The following CIT variants were observed in gnomAD, a reference collection of about 807,000 sequenced individuals.
CIT encodes the protein citron rho-interacting serine/threonine kinase.
A neutral mutation model predicts 272.7 loss-of-function variants in CIT; 79 were observed. The observed-to-expected ratio is 0.29, with a 90% CI of 0.24 to 0.35. The LOEUF is 0.35. Among genes scored for constraint, CIT ranks in the 10% least tolerant of loss-of-function variants. The pLI is 1.00. For synonymous variants in CIT, 948 were observed against 995.6 expected, an observed-to-expected ratio of 0.95 and a Z score of 0.90; for missense variants, 1,909 against 2,618.3, an observed-to-expected ratio of 0.73 and a Z score of 5.91.
At chr12:119,834,669 A>G (rs1433517388) in intron 5 of CIT, among the ~76,000 whole-genome samples, 4 of 152,266 alleles carry the variant, frequency 2.6e-5, no homozygotes, top group African/African-American at 7.2e-5. Context: ...TTCCTTTTAT[A>G]GTCAGTGTGG....
chr12:119,843,041 A>G (rs1409749671), intron 5 of CIT, among the ~76,000 whole-genome samples: 1 of 152,214 alleles, frequency 6.6e-6, no homozygotes, highest in Non-Finnish European at 1.5e-5. Context: ...CCAGAAGTAT[A>G]GGGTCTAGGA....
At chr12:119,703,818 T>TTC (rs761663643) in intron 41 of CIT, among the ~76,000 whole-genome samples, 2 of 152,182 alleles carry the variant, frequency 1.3e-5, no homozygotes, top group Non-Finnish European at 2.9e-5. Context: ...TCAGACAGCA[T>TTC]TCTCCAGAAG....
intron 24 of CIT, among the ~76,000 whole-genome samples, chr12:119,736,962 AC>A (rs1958801069): frequency 6.6e-6 from 1 of 152,176 alleles, no homozygotes; most frequent in Non-Finnish European, 1.5e-5. Context: ...AAGCCATCTG[AC>A]CTTTGCTGGG....
intron 5 of CIT, among the ~76,000 whole-genome samples, 189 bp from the exon 6 acceptor site, chr12:119,834,417 G>A (rs896834073): frequency 6.6e-6 from 1 of 152,190 alleles, no homozygotes; most frequent in Non-Finnish European, 1.5e-5. Context: ...CTGTTACCCA[G>A]GGGAATCAAT....
Position 119,686,763 on chromosome 12 carries a change from G to A in CIT, c.*1469C>T, listed in dbSNP as rs1352343457. 1 of 152,628 alleles carries A rather than the reference G, an allele frequency of 6.6e-6. No homozygotes were observed. The highest frequency in any genetic ancestry group is 1.5e-5 in the Non-Finnish European group (1 of 68,078). 9.5% of individuals were successfully genotyped at this position (152,628 alleles called of 1,614,324 possible). A position where few individuals can be genotyped will look rare whatever the true frequency, so the allele number is the denominator to read the frequency against. ...TAGCTTGCCAACTGCAAAGCCTCTA[G>A]GTTGGTTCTGTACCAGTTGCCAGGA... On this transcript the variant is annotated 3_prime_UTR_variant, in exon 48 of 48. Coordinates refer to ENST00000392521, the MANE Select transcript of CIT (RefSeq NM_001206999.2).
intron 26 of CIT, among the ~76,000 whole-genome samples, chr12:119,733,580 G>A (rs754889165): frequency 6.6e-6 from 1 of 151,928 alleles, no homozygotes; most frequent in Non-Finnish European, 1.5e-5. Context: ...GTACAGCAGT[G>A]GTTCTCAACT....
chr12:119,812,892 A>T (rs1490055468), intron 9 of CIT, among the ~76,000 whole-genome samples: 1 of 152,152 alleles, frequency 6.6e-6, no homozygotes, highest in Non-Finnish European at 1.5e-5. Context: ...TTATTTGGCC[A>T]TGTTTTACTA....
At chr12:119,839,212 G>A (rs563843070) in intron 5 of CIT, among the ~76,000 whole-genome samples, 30 of 152,296 alleles carry the variant, frequency 2.0e-4, no homozygotes, top group African/African-American at 6.5e-4. Flanking sequence ...CATTTGAAAC[G>A]AAGGACAAAT....
rs547010198 is a variant in CIT, at chr12:119,774,897, G to A, written c.1941+889C>T. Among the ~76,000 whole-genome samples the A allele has an allele frequency of 1.6e-4, 24 of 151,676 alleles. No homozygotes were observed. The South Asian group carries it at 3.3e-3, about 21-fold the overall frequency. Reference sequence around the variant, plus strand: ...GCGGAGGTGGGAGGATCACCTGAGCGTGTGAAGTCAAGGCTGCAGTGAGCC... The same window carrying A: ...GCGGAGGTGGGAGGATCACCTGAGCATGTGAAGTCAAGGCTGCAGTGAGCC... On this transcript the variant is annotated intron_variant, in intron 16 of 47. Coordinates refer to ENST00000392521, the MANE Select transcript of CIT (RefSeq NM_001206999.2).
chr12:119,815,217 A>G (rs997175329), intron 9 of CIT, among the ~76,000 whole-genome samples: 2 of 150,926 alleles, frequency 1.3e-5, no homozygotes, highest in Non-Finnish European at 2.9e-5. Context: ...CAAAATCATG[A>G]TATCACCTGT....
intron 27 of CIT, among the ~76,000 whole-genome samples, chr12:119,729,034 G>A (rs1424327509): frequency 6.6e-6 from 1 of 152,192 alleles, no homozygotes; most frequent in African/African-American, 2.4e-5. Flanking sequence ...TGACTGCTCT[G>A]TCAGCTTATA....
chr12:119,741,245 G>A (rs1282754184), intron 24 of CIT, among the ~76,000 whole-genome samples: 2 of 152,020 alleles, frequency 1.3e-5, no homozygotes, highest in Admixed American at 6.6e-5. Context: ...AAGCCCCAGA[G>A]AGCACATCCT....
At chr12:119,842,754 T>G (rs1191702742) in intron 5 of CIT, among the ~76,000 whole-genome samples, 2 of 152,214 alleles carry the variant, frequency 1.3e-5, no homozygotes, top group Non-Finnish European at 2.9e-5. Context: ...TTCCAAATTT[T>G]GAAAATCTCA....
At chr12:119,698,239 T>A in intron 44 of CIT, 185 bp from the exon 45 acceptor site, 1 of 632,222 alleles carries the variant, frequency 1.6e-6, no homozygotes, top group Non-Finnish European at 2.9e-6. Flanking sequence ...TGTGGTTTGT[T>A]ACAGCAGAAG....
At chr12:119,829,349 G>GAGAAGAGAAGAGAAGAGAAA in intron 7 of CIT, among the ~76,000 whole-genome samples, 1 of 44,544 alleles carries the variant, frequency 2.2e-5, no homozygotes, top group East Asian at 9.1e-4. Flanking sequence ...AAGAAAAGAA[G>GAGAAGAGAAGAGAAGAGAAA]AGAAGAGAAG....
intron 10 of CIT, among the ~76,000 whole-genome samples, chr12:119,788,658 AC>A (rs1205106218): frequency 6.6e-6 from 1 of 151,530 alleles, no homozygotes; most frequent in East Asian, 1.9e-4. Flanking sequence ...TTGCTTTTTC[AC>A]CCCCCACCAA....
intron 4 of CIT, among the ~76,000 whole-genome samples, chr12:119,852,753 A>C (rs940448656): frequency 6.6e-6 from 1 of 151,862 alleles, no homozygotes; most frequent in African/African-American, 2.4e-5. Flanking sequence ...AAATAAATAA[A>C]TTATATATAT....
Position 119,714,187 on chromosome 12 carries a change from C to T in CIT, c.4306+10G>A, listed in dbSNP as rs752286722. The T allele has an allele frequency of 6.2e-7, 1 of 1,614,132 alleles. No homozygotes were observed. The highest frequency in any genetic ancestry group is 8.5e-7 in the Non-Finnish European group (1 of 1,180,006). On this transcript the variant is annotated intron_variant, in intron 33 of 47. Transcript: ENST00000392521. ...GGTGCCCAGCACAGATGCACAACTA[C>T]TGATCTTACCGAGACATTTGGATGC...
intron 10 of CIT, among the ~76,000 whole-genome samples, chr12:119,793,117 C>T (rs1226334502): frequency 6.6e-6 from 1 of 151,436 alleles, no homozygotes; most frequent in Non-Finnish European, 1.5e-5. Context: ...TATATATATA[C>T]CATACACACA....
Sources: gnomAD v4.1 joint callset for allele counts (sites outside exome capture counted in the v4.1 genomes callset) on GRCh38, gnomAD v4.1.1 for gene constraint, MANE v1.5 for transcripts, NCBI Gene and HGNC (gene_info 2026-07-23, HGNC 2026-07-21) for gene names.